CSMD1: variants seen among roughly 807,000 people sequenced by gnomAD.
The protein encoded by CSMD1 is CUB and sushi domain-containing protein 1.
A neutral mutation model predicts 417.5 loss-of-function variants in CSMD1; 213 were observed. The observed-to-expected ratio is 0.51, with a 90% confidence interval of 0.46 to 0.57. The LOEUF (loss-of-function observed/expected upper bound fraction) is 0.57. Ranked by LOEUF, CSMD1 falls within the 20% of genes least tolerant of loss-of-function variation. The pLI is 0.00. For missense variants in CSMD1, 6,923 were observed against 4,529.7 expected (o/e 1.53, Z -15.17); for synonymous variants, 2,862 against 1,736.8 (o/e 1.65, Z -16.11).
intron 5 of CSMD1, among the ~76,000 whole-genome samples, chr8:3,775,548 C>G (rs1798848349): frequency 6.6e-6 from 1 of 152,198 alleles, no homozygotes. Flanking sequence ...AGAACTTTTA[C>G]AAGAGCGCAA....
At chr8:4,204,648 T>C (rs887627264) in intron 3 of CSMD1, among the ~76,000 whole-genome samples, 5 of 152,116 alleles carry the variant, frequency 3.3e-5, no homozygotes, top group African/African-American at 4.8e-5. Context: ...AATTATTTTA[T>C]AAAAATTATT....
chr8:4,893,419 A>G (rs1365164914), intron 1 of CSMD1, among the ~76,000 whole-genome samples: 1 of 152,002 alleles, frequency 6.6e-6, no homozygotes, highest in East Asian at 1.9e-4. Flanking sequence ...TATATTCACA[A>G]AGATGTAGTT....
chr8:3,057,117 T>C (rs1337895739), intron 49 of CSMD1, among the ~76,000 whole-genome samples: 1 of 152,142 alleles, frequency 6.6e-6, no homozygotes, highest in Non-Finnish European at 1.5e-5. Flanking sequence ...AGCCATATAA[T>C]GCTTATATGG....
chr8:4,992,243 G>A (rs1479584013), intron 1 of CSMD1, among the ~76,000 whole-genome samples: 1 of 152,018 alleles, frequency 6.6e-6, no homozygotes, highest in South Asian at 2.1e-4. Flanking sequence ...CTCCGCCTCA[G>A]CCTCATCCTA....
At chr8:4,206,328 A>T (rs931805538) in intron 3 of CSMD1, among the ~76,000 whole-genome samples, 1 of 152,026 alleles carries the variant, frequency 6.6e-6, no homozygotes, top group African/African-American at 2.4e-5. Context: ...ATATCTCCTG[A>T]TGCTATCCCT....
intron 32 of CSMD1, 61 bp from the exon 33 acceptor site, chr8:3,199,870 T>C: frequency 1.0e-6 from 1 of 986,322 alleles, no homozygotes; most frequent in Admixed American, 2.6e-5. Context: ...ACGGTAGTAT[T>C]TTGGAAAATG....
At chr8:3,141,633 G>T (rs140071106) in intron 41 of CSMD1, among the ~76,000 whole-genome samples, 1 of 152,116 alleles carries the variant, frequency 6.6e-6, no homozygotes, top group East Asian at 1.9e-4. Flanking sequence ...CCTGCACCTG[G>T]TGGATCAGCT....
intron 21 of CSMD1, among the ~76,000 whole-genome samples, chr8:3,352,759 G>C (rs1043983789): frequency 6.6e-6 from 1 of 152,174 alleles, no homozygotes; most frequent in Non-Finnish European, 1.5e-5. Context: ...AGACTTGCTT[G>C]AACCCAGGAG....
intron 1 of CSMD1, among the ~76,000 whole-genome samples, chr8:4,839,573 G>A (rs906510684): frequency 6.6e-6 from 1 of 152,026 alleles, no homozygotes; most frequent in Non-Finnish European, 1.5e-5. Flanking sequence ...ACAACGATCG[G>A]CCCAAGAGAT....
chr8:3,047,268 C>T (rs995227164), intron 50 of CSMD1, among the ~76,000 whole-genome samples: 1 of 151,518 alleles, frequency 6.6e-6, no homozygotes, highest in African/African-American at 2.4e-5. Context: ...CCTATTTTGC[C>T]AGGCCAAGTT....
chr8:3,697,949 C>T (rs1563284117), intron 7 of CSMD1, among the ~76,000 whole-genome samples: 1 of 152,118 alleles, frequency 6.6e-6, no homozygotes. Context: ...ATGCTGAAAC[C>T]ACTTGAAAAG....
intron 52 of CSMD1, among the ~76,000 whole-genome samples, chr8:3,014,526 C>G (rs1049466887): frequency 1.3e-5 from 2 of 152,122 alleles, no homozygotes; most frequent in Admixed American, 1.3e-4. Context: ...GATTTTTAGT[C>G]CCCTCAGCTG....
In CSMD1 at chr8:4,837,158, AC is replaced by A. The variant is rs1800543201; in HGVS notation, c.85+157173del. Among the ~76,000 whole-genome samples, 5 of 151,154 alleles carry A rather than the reference AC, an allele frequency of 3.3e-5. No homozygotes were observed. In the South Asian group the frequency reaches 1.0e-3, roughly 31 times the overall value. On this transcript the variant is annotated intron_variant, in intron 1 of 69. Coordinates refer to ENST00000635120, the MANE Select transcript of CSMD1 (RefSeq NM_033225.6). ...AATGTTATGTCTAAATTGAAAAGAC[AC>A]TAACACATGCGGGTGAGGATGGGGA...
chr8:3,563,195 TTTTG>T (rs1213680782), intron 10 of CSMD1, among the ~76,000 whole-genome samples: 4 of 152,090 alleles, frequency 2.6e-5, no homozygotes, highest in African/African-American at 9.7e-5. Context: ...TAGTTGGGTT[TTTTG>T]TTTGTTTTCT....
At chr8:3,783,395 C>G (rs971878980) in intron 5 of CSMD1, among the ~76,000 whole-genome samples, 4 of 152,208 alleles carry the variant, frequency 2.6e-5, no homozygotes, top group Non-Finnish European at 5.9e-5. Flanking sequence ...CTGGGGTGAC[C>G]CACGGCTGGC....
chr8:3,101,095 A>C (rs1815703373), intron 46 of CSMD1, among the ~76,000 whole-genome samples: 1 of 150,148 alleles, frequency 6.7e-6, no homozygotes, highest in Admixed American at 6.6e-5. Context: ...TATTCTAAAA[A>C]CTATTGAAGG....
intron 5 of CSMD1, among the ~76,000 whole-genome samples, chr8:3,788,453 C>G (rs1324666826): frequency 6.6e-6 from 1 of 152,124 alleles, no homozygotes; most frequent in Non-Finnish European, 1.5e-5. Context: ...AGATAAGAGG[C>G]AGAAATCAAA....
chr8:4,126,355 C>T (rs539732119), intron 3 of CSMD1, among the ~76,000 whole-genome samples: 6 of 152,312 alleles, frequency 3.9e-5, no homozygotes, highest in South Asian at 2.1e-4. Context: ...TGCATGGTTA[C>T]GAGACCTGTC....
At chr8:3,565,038 T>C (rs868136880) in intron 10 of CSMD1, among the ~76,000 whole-genome samples, 12 of 145,680 alleles carry the variant, frequency 8.2e-5, no homozygotes, top group Non-Finnish European at 1.8e-4. Context: ...CATTTACCTG[T>C]GTAACAAACC....
Sources: gnomAD v4.1 joint callset for allele counts (sites outside exome capture counted in the v4.1 genomes callset) on GRCh38, gnomAD v4.1.1 for gene constraint, MANE v1.5 for transcripts, NCBI Gene and HGNC (gene_info 2026-07-23, HGNC 2026-07-21) for gene names.